The following SNX22 variants were observed in gnomAD, a reference collection of about 807,000 sequenced individuals.
The protein encoded by SNX22 is sorting nexin-22.
In SNX22, 23 loss-of-function variants were observed where a neutral mutation model predicts 24.7. The observed-to-expected ratio is 0.93, with a 90% confidence interval of 0.67 to 1.32. SNX22 has a LOEUF of 1.32. Ranked by LOEUF, SNX22 falls within the 40% of genes most tolerant of loss-of-function variation. SNX22 has a pLI of 0.00. For missense variants in SNX22, 261 were observed against 249.9 expected, an observed-to-expected ratio of 1.04 and a Z score of -0.30; for synonymous variants, 99 against 104.0, an observed-to-expected ratio of 0.95 and a Z score of 0.29.
At chr15:64,153,150 CT>C (rs1365613373) in intron 3 of SNX22, 94 bp from the exon 4 acceptor site, 7 of 1,483,180 alleles carry the variant, frequency 4.7e-6, no homozygotes, top group Non-Finnish European at 5.6e-6. Context: ...TCGTGAAATT[CT>C]TTTTTTGGAA....
At chr15:64,153,502 G>T in intron 4 of SNX22, 150 bp from the exon 5 acceptor site, 4 of 1,484,842 alleles carry the variant, frequency 2.7e-6, no homozygotes, top group Admixed American at 3.6e-5. Context: ...GGACAGACTT[G>T]GTTACCCCCG....
chr15:64,153,876 CT>C, intron 5 of SNX22, 58 bp from the exon 6 acceptor site: 1 of 1,595,118 alleles, frequency 6.3e-7, no homozygotes, highest in Non-Finnish European at 8.5e-7. Context: ...GTCTCCACCC[CT>C]CTGTGGGATT....
intron 6 of SNX22, 28 bp from the exon 7 acceptor site, chr15:64,154,359 G>T (rs1403644287): frequency 6.2e-7 from 1 of 1,613,928 alleles, no homozygotes; most frequent in South Asian, 1.1e-5. Context: ...CAGGTCTGAG[G>T]CCAGACCTGT....
In SNX22 at chr15:64,154,622, C is replaced by A; in HGVS notation, c.*114C>A. 1.5e-6 allele frequency: 2 copies of A among 1,346,412 alleles called. No homozygotes were observed. The highest frequency in any genetic ancestry group is 2.0e-6 in the Non-Finnish European group (2 of 983,420). The allele number at this position is 1,346,412 out of a possible 1,614,324, so 83.4% of individuals were successfully genotyped here. On this transcript the variant is annotated 3_prime_UTR_variant, in exon 7 of 7. Transcript: ENST00000325881. ...GGACCCAGGACTTAATTACCCAGTGCCCAGTTGTGCCACATTCCCACTCAA... is the reference window on the plus strand; with the variant it reads ...GGACCCAGGACTTAATTACCCAGTGACCAGTTGTGCCACATTCCCACTCAA...
At position 64,156,665 on chromosome 15, in the gene SNX22, G is replaced by A. The variant is rs1323991636; in HGVS notation, c.*2157G>A. 1.3e-6 allele frequency: 2 copies of A among 1,594,948 alleles called. No homozygotes were observed. Among genetic ancestry groups the A allele is most frequent in the Non-Finnish European group, 1.7e-6 (2 of 1,162,794 alleles). ...TGGACACATGGAGCTCCTGCCCTGG[G>A]GTCTGTGTTGAATCCCCGGTGAGGA... On this transcript the variant is annotated 3_prime_UTR_variant, in exon 7 of 7. Coordinates refer to ENST00000325881, the MANE Select transcript of SNX22 (RefSeq NM_024798.3). This position sits in a 1 kb window ranked among gnomAD's most constrained non-coding sequence, Gnocchi z 6.4.
intron 4 of SNX22, 57 bp from the exon 5 acceptor site, chr15:64,153,595 C>G (rs1253537517): frequency 2.5e-6 from 4 of 1,610,270 alleles, no homozygotes. Flanking sequence ...GTCTCCACCC[C>G]TTCCTCACGC....
intron 6 of SNX22, 175 bp from the exon 7 acceptor site, chr15:64,154,212 A>G: frequency 1.9e-6 from 3 of 1,577,168 alleles, no homozygotes; most frequent in Non-Finnish European, 2.6e-6. Context: ...TGACTTCTTT[A>G]CCAAGCTGAT....
At position 64,156,266 on chromosome 15, in the gene SNX22, A is replaced by C; in HGVS notation, c.*1758A>C. ...CCACAAGTGATCAACAGCACACAAA[A>C]CTGGAGGCACCAAAATTCTAACAGA... On this transcript the variant is annotated 3_prime_UTR_variant, in exon 7 of 7. Transcript: ENST00000325881. This position sits in a 1 kb window ranked among gnomAD's most constrained non-coding sequence, Gnocchi z 6.4. The C allele has an allele frequency of 7.8e-7, 1 of 1,280,162 alleles. No homozygotes were observed. The highest frequency in any genetic ancestry group is 1.1e-6 in the Non-Finnish European group (1 of 902,824). The allele number at this position is 1,280,162 out of a possible 1,614,324, so 79.3% of individuals were successfully genotyped here. A position where few individuals can be genotyped will look rare whatever the true frequency, so the allele number is the denominator to read the frequency against.
In SNX22 at chr15:64,156,576, CA is replaced by C. The variant is rs552880137; in HGVS notation, c.*2069del. On this transcript the variant is annotated 3_prime_UTR_variant, in exon 7 of 7. Transcript: ENST00000325881. This position sits in a 1 kb window ranked among gnomAD's most constrained non-coding sequence, Gnocchi z 6.4. ...TTAGAACCTTGGAGGCATGGAGGTACAGGGTTTATTCTGGACAGGAGCACTG... is the reference window on the plus strand; with the variant it reads ...TTAGAACCTTGGAGGCATGGAGGTACGGGTTTATTCTGGACAGGAGCACTG... The C allele has an allele frequency of 1.0e-6, 1 of 992,606 alleles. No individual in the cohort carries two copies. The highest frequency in any genetic ancestry group is 1.6e-6 in the Non-Finnish European group (1 of 623,500). 61.5% of individuals were successfully genotyped at this position (992,606 alleles called of 1,614,324 possible).
Position 64,157,021 on chromosome 15 carries a change from A to C in SNX22, c.*2513A>C, listed in dbSNP as rs572938461. On this transcript the variant is annotated 3_prime_UTR_variant, in exon 7 of 7. Transcript: ENST00000325881. This position sits in a 1 kb window ranked among gnomAD's most constrained non-coding sequence, Gnocchi z 4.2. ...TGTCCTCTGTGCCAGGCTAGGCTGGAGTGGACTACAAGGACATAAAAGCAG... is the reference window on the plus strand; with the variant it reads ...TGTCCTCTGTGCCAGGCTAGGCTGGCGTGGACTACAAGGACATAAAAGCAG... The C allele has an allele frequency of 1.6e-5, 19 of 1,154,972 alleles. No homozygotes were observed. The highest frequency in any genetic ancestry group is 2.4e-5 in the Non-Finnish European group (19 of 807,832). 71.5% of individuals were successfully genotyped at this position (1,154,972 alleles called of 1,614,324 possible). A position where few individuals can be genotyped will look rare whatever the true frequency, so the allele number is the denominator to read the frequency against.
Position 64,152,621 on chromosome 15 carries a change from C to T in SNX22, c.160-17C>T, listed in dbSNP as rs1184942181. 1.2e-6 allele frequency: 2 copies of T among 1,610,410 alleles called. No homozygotes were observed. Among genetic ancestry groups the T allele is most frequent in the East Asian group, 2.2e-5 (1 of 44,838 alleles). On this transcript the variant is annotated splice_polypyrimidine_tract_variant and intron_variant, in intron 2 of 6. Transcript: ENST00000325881. ...TCAGTCGGGATGCTGTGATCGCACG[C>T]GGTAAACCTCCAGTAGATCAAGAAG...
At chr15:64,154,219 T>C in intron 6 of SNX22, 168 bp from the exon 7 acceptor site, 1 of 1,578,980 alleles carries the variant, frequency 6.3e-7, no homozygotes, top group South Asian at 1.1e-5. Flanking sequence ...TTTACCAAGC[T>C]GATGTGAAAA....
Position 64,153,567 on chromosome 15 carries a change from G to A in SNX22, c.360-85G>A, listed in dbSNP as rs868217909. ...TAGAAGCAGTGGTCCCCTGGGAGGT[G>A]CAGTTCTGGGCTCTGGTGTCTCCAC... On this transcript the variant is annotated intron_variant, in intron 4 of 6. Transcript: ENST00000325881. 4 of 1,568,126 alleles carry A rather than the reference G, an allele frequency of 2.6e-6. No homozygotes were observed. The South Asian group carries it at 3.3e-5, about 13-fold the overall frequency.
At chr15:64,153,507 C>A in intron 4 of SNX22, 145 bp from the exon 5 acceptor site, 2 of 1,484,090 alleles carry the variant, frequency 1.3e-6, no homozygotes, top group Non-Finnish European at 9.3e-7. Flanking sequence ...GACTTGGTTA[C>A]CCCCGCCACC....
At chr15:64,154,133 C>T (rs764859244) in intron 6 of SNX22, 131 bp downstream of exon 6, 1 of 1,600,168 alleles carries the variant, frequency 6.2e-7, no homozygotes, top group South Asian at 1.1e-5. Context: ...GCTCCTGTCC[C>T]CTGGAGCCTG....
chr15:64,155,776 G>A lies in SNX22; in HGVS notation c.*1268G>A. The stretch of plus-strand genomic sequence containing the variant: ...CAGGCATGTTGGGATGTAGGCCTAG[G>A]GGAGGTGCTGCAGGCTCAAGAACCA... On this transcript the variant is annotated 3_prime_UTR_variant, in exon 7 of 7. Transcript: ENST00000325881. 1 of 485,378 alleles carries A rather than the reference G, an allele frequency of 2.1e-6. No individual in the cohort carries two copies. The allele number at this position is 485,378 out of a possible 1,614,324, so 30.1% of individuals were successfully genotyped here. A position where few individuals can be genotyped will look rare whatever the true frequency, so the allele number is the denominator to read the frequency against.
chr15:64,151,744 G>C lies in SNX22; in HGVS notation c.-32G>C, dbSNP rs376323213. Reference sequence around the variant, plus strand: ...TCCGGGAGAGTTAGGGCTCCGAGCCGAGCGCGCGGAGCAGCTGGGGCCGGG... The same window carrying C: ...TCCGGGAGAGTTAGGGCTCCGAGCCCAGCGCGCGGAGCAGCTGGGGCCGGG... On this transcript the variant is annotated 5_prime_UTR_variant, in exon 1 of 7. Transcript: ENST00000325881. The C allele has an allele frequency of 3.8e-5, 58 of 1,523,210 alleles. No homozygotes were observed. Among genetic ancestry groups the C allele is most frequent in the Non-Finnish European group, 3.4e-5 (39 of 1,138,262 alleles). 94.4% of individuals were successfully genotyped at this position (1,523,210 alleles called of 1,614,324 possible). A position where few individuals can be genotyped will look rare whatever the true frequency, so the allele number is the denominator to read the frequency against.
chr15:64,151,745 AGC>A lies in SNX22; in HGVS notation c.-25_-24del. 1 of 1,520,326 alleles carries A rather than the reference AGC, an allele frequency of 6.6e-7. No homozygotes were observed. 94.2% of individuals were successfully genotyped at this position (1,520,326 alleles called of 1,614,324 possible). On this transcript the variant is annotated 5_prime_UTR_variant, in exon 1 of 7. Coordinates refer to ENST00000325881, the MANE Select transcript of SNX22 (RefSeq NM_024798.3). ...CCGGGAGAGTTAGGGCTCCGAGCCG[AGC>A]GCGCGGAGCAGCTGGGGCCGGGGCG...
chr15:64,152,593 G>GGCTC, intron 2 of SNX22, 45 bp from the exon 3 acceptor site: 11 of 1,568,028 alleles, frequency 7.0e-6, no homozygotes, highest in Non-Finnish European at 9.6e-6. Flanking sequence ...AGGGCTTGAG[G>GGCTC]GCTCAGTCGG....
Sources: allele counts gnomAD v4.1 joint callset, GRCh38; gene constraint gnomAD v4.1.1; non-coding constraint Gnocchi (gnomAD v3.1); transcripts MANE v1.5; gene names NCBI Gene and HGNC (gene_info 2026-07-23, HGNC 2026-07-21).